The following POLR1D variants were observed in gnomAD, a reference collection of about 807,000 sequenced individuals.
POLR1D encodes the protein RNA polymerase I and III subunit D.
In POLR1D, 8 loss-of-function variants were observed where a neutral mutation model predicts 10.8. The ratio of observed to expected loss-of-function variants is 0.74; its 90% CI spans 0.43 to 1.33. The LOEUF (loss-of-function observed/expected upper bound fraction) is 1.33. Among genes scored for constraint, POLR1D ranks in the 40% most tolerant of loss-of-function variants. The pLI, the probability that POLR1D is intolerant of heterozygous loss-of-function variation, is 0.01. For missense variants in POLR1D, 152 were observed against 161.7 expected, an observed-to-expected ratio of 0.94 and a Z score of 0.32; for synonymous variants, 54 against 57.2, an observed-to-expected ratio of 0.94 and a Z score of 0.25.
chr13:27,648,613 G>A (rs1345660807), intron 2 of POLR1D, among the ~76,000 whole-genome samples: 1 of 152,178 alleles, frequency 6.6e-6, no homozygotes, highest in Non-Finnish European at 1.5e-5. Flanking sequence ...AGAACTGAAT[G>A]TTGAGAAACT....
downstream of POLR1D, among the ~76,000 whole-genome samples, chr13:27,624,549 A>G (rs1441940884): frequency 6.6e-6 from 1 of 152,120 alleles, no homozygotes; most frequent in African/African-American, 2.4e-5. Context: ...ATATAGCTAT[A>G]GTGGATGAGA....
exon 2 of POLR1D, chr13:27,648,426 G>C: frequency 6.2e-7 from 1 of 1,610,860 alleles, no homozygotes; most frequent in Non-Finnish European, 8.5e-7. Flanking sequence ...GGGAAAACTA[G>C]AGCTGAAACA....
chr13:27,652,391 T>C (rs1593290531), intron 2 of POLR1D, among the ~76,000 whole-genome samples: 1 of 152,252 alleles, frequency 6.6e-6, no homozygotes, highest in African/African-American at 2.4e-5. Flanking sequence ...GGCATTGATG[T>C]ACTCTTTAGG....
At chr13:27,653,375 G>A (rs1276196156) in intron 2 of POLR1D, among the ~76,000 whole-genome samples, 2 of 152,152 alleles carry the variant, frequency 1.3e-5, no homozygotes, top group Non-Finnish European at 2.9e-5. Flanking sequence ...ACAACTAGCA[G>A]CTTCTTCCCA....
intron 1 of POLR1D, among the ~76,000 whole-genome samples, chr13:27,633,977 A>G (rs1323968): frequency 0.015 from 2,332 of 152,342 alleles, 23 homozygotes; most frequent in Middle Eastern, 0.024. Context: ...TACCATCATC[A>G]TATTCTTGTC....
intron 2 of POLR1D, chr13:27,650,109 A>G (rs1176460436): frequency 2.5e-6 from 1 of 398,306 alleles, no homozygotes. Flanking sequence ...AGCCACTGTT[A>G]TCCTCTGCTC....
At position 27,636,416 on chromosome 13, in the gene POLR1D, A is replaced by G. The variant is rs146351475; in HGVS notation, c.27-11963A>G. Among the ~76,000 whole-genome samples, 5 of 152,256 alleles carry G rather than the reference A, an allele frequency of 3.3e-5. No individual in the cohort carries two copies. The East Asian group carries it at 9.7e-4, about 29-fold the overall frequency. On this transcript the variant is annotated intron_variant, in intron 1 of 2. Transcript: ENST00000399697. ...GAGAAACTTTTCCCTTACATTTTTT[A>G]ATAATATAGATTGTATTTAATGGAT...
At chr13:27,644,874 T>C (rs1956204910) in intron 1 of POLR1D, among the ~76,000 whole-genome samples, 1 of 152,196 alleles carries the variant, frequency 6.6e-6, no homozygotes, top group African/African-American at 2.4e-5. Flanking sequence ...TCTTTGATAA[T>C]TTAAGTTATT....
intron 2 of POLR1D, among the ~76,000 whole-genome samples, chr13:27,656,499 CTT>C (rs1369724985): frequency 2.8e-5 from 4 of 143,890 alleles, no homozygotes; most frequent in African/African-American, 9.9e-5. Context: ...TTCCTGCTCT[CTT>C]GGAATTTATA....
At chr13:27,666,294 A>G (rs1956418356) in exon 3 of POLR1D, 1 of 232,456 alleles carries the variant, frequency 4.3e-6, no homozygotes, top group African/African-American at 2.2e-5. Flanking sequence ...TTTTTTGGTC[A>G]TTTCTCAGAA....
At chr13:27,657,028 C>T (rs76712765) in intron 2 of POLR1D, among the ~76,000 whole-genome samples, 2 of 152,244 alleles carry the variant, frequency 1.3e-5, no homozygotes, top group East Asian at 3.9e-4. Flanking sequence ...CAGGGAAGGC[C>T]ATGGGACCCC....
intron 1 of POLR1D, among the ~76,000 whole-genome samples, chr13:27,628,558 A>G (rs1180435852): frequency 6.6e-6 from 1 of 152,176 alleles, no homozygotes; most frequent in Admixed American, 6.6e-5. Context: ...TTTTTTAAAA[A>G]CCTGAGCTTA....
intron 2 of POLR1D, chr13:27,664,702 TC>T (rs1415635916): frequency 5.9e-5 from 9 of 152,260 alleles, no homozygotes; most frequent in Non-Finnish European, 1.0e-4. Flanking sequence ...TCCACACAAT[TC>T]CTATGTGGAG....
exon 3 of POLR1D, chr13:27,665,888 A>G (rs1040300767): frequency 1.9e-6 from 3 of 1,614,134 alleles, no homozygotes; most frequent in South Asian, 2.2e-5. Flanking sequence ...AGGTTCCGCC[A>G]GTTACTCCCC....
chr13:27,643,871 C>T (rs547113665), intron 1 of POLR1D, among the ~76,000 whole-genome samples: 2 of 152,304 alleles, frequency 1.3e-5, no homozygotes, highest in South Asian at 4.1e-4. Flanking sequence ...TCTAAGAAGT[C>T]TGTATTCTTG....
chr13:27,651,948 C>T (rs527278341), intron 2 of POLR1D, among the ~76,000 whole-genome samples: 107 of 152,296 alleles, frequency 7.0e-4, no homozygotes, highest in Non-Finnish European at 1.2e-3. Context: ...TTAGTTAAAT[C>T]TGCTCTTCTT....
chr13:27,652,911 C>CTTTTTTTTTTTTTT (rs71083685), intron 2 of POLR1D, among the ~76,000 whole-genome samples: 1 of 89,332 alleles, frequency 1.1e-5, no homozygotes, highest in African/African-American at 4.9e-5. Context: ...TTTACCATTT[C>CTTTTTTTTTTTTTT]TTTTTTTTTT....
At chr13:27,652,169 T>C (rs1475827326) in intron 2 of POLR1D, among the ~76,000 whole-genome samples, 6 of 152,196 alleles carry the variant, frequency 3.9e-5, no homozygotes, top group Non-Finnish European at 4.4e-5. Flanking sequence ...TAAGAAAATA[T>C]CAATTATAGT....
At chr13:27,629,513 T>C (rs538495284) in intron 1 of POLR1D, among the ~76,000 whole-genome samples, 2 of 152,332 alleles carry the variant, frequency 1.3e-5, no homozygotes, top group South Asian at 4.1e-4. Flanking sequence ...TATTCCTTCA[T>C]GTGAAAACTT....
Sources: gnomAD v4.1 joint callset for allele counts (sites outside exome capture counted in the v4.1 genomes callset) on GRCh38, gnomAD v4.1.1 for gene constraint, MANE v1.5 for transcripts, NCBI Gene and HGNC (gene_info 2026-07-23, HGNC 2026-07-21) for gene names.